PPP4R4: variants seen among roughly 807,000 people sequenced by gnomAD.
PPP4R4 encodes the protein serine/threonine-protein phosphatase 4 regulatory subunit 4.
A neutral mutation model predicts 121.8 loss-of-function variants in PPP4R4; 70 were observed. The observed-to-expected ratio is 0.57, with a 90% CI of 0.47 to 0.70. The LOEUF (loss-of-function observed/expected upper bound fraction) is 0.70, where lower values mean the gene tolerates loss of function less well. Ranked by LOEUF, PPP4R4 falls within the 30% of genes least tolerant of loss-of-function variation. The pLI, the probability that PPP4R4 is intolerant of heterozygous loss-of-function variation, is 0.00. For missense variants in PPP4R4, 875 were observed against 1,033.6 expected, an observed-to-expected ratio of 0.85 and a Z score of 2.10; for synonymous variants, 348 against 355.7, an observed-to-expected ratio of 0.98 and a Z score of 0.24.
intron 2 of PPP4R4, among the ~76,000 whole-genome samples, chr14:94,177,852 G>A (rs1449821058): frequency 6.6e-6 from 1 of 152,184 alleles, no homozygotes; most frequent in Non-Finnish European, 1.5e-5. Flanking sequence ...AGACAGATGG[G>A]CCCTCTCATT....
rs188091618 is a variant in PPP4R4, at chr14:94,231,389, A to C, written c.516+74A>C. ...TTTTTTTTAAAAGGTTTCTTGTCAAAAATGGTTTTTAAAAAAGAAAGTTGT... is the reference window on the plus strand; with the variant it reads ...TTTTTTTTAAAAGGTTTCTTGTCAACAATGGTTTTTAAAAAAGAAAGTTGT... On this transcript the variant is annotated intron_variant, in intron 5 of 24. Transcript: ENST00000304338. The C allele has an allele frequency of 1.7e-3, 2,194 of 1,318,992 alleles. 29 individuals are homozygous for C. The African/African-American group carries it at 0.028, about 17-fold the overall frequency. The allele number at this position is 1,318,992 out of a possible 1,614,324, so 81.7% of individuals were successfully genotyped here.
At chr14:94,208,829 A>G (rs1026284626) in intron 3 of PPP4R4, among the ~76,000 whole-genome samples, 1 of 151,646 alleles carries the variant, frequency 6.6e-6, no homozygotes, top group African/African-American at 2.4e-5. Flanking sequence ...AGTTTTTAGT[A>G]GCTCAAAAAC....
At chr14:94,185,753 C>G (rs1320393325) in intron 2 of PPP4R4, among the ~76,000 whole-genome samples, 1 of 152,196 alleles carries the variant, frequency 6.6e-6, no homozygotes, top group Non-Finnish European at 1.5e-5. Flanking sequence ...AGTTTCCTCT[C>G]TAGATCAGTT....
chr14:94,209,068 A>G (rs1473750161), intron 3 of PPP4R4, among the ~76,000 whole-genome samples: 4 of 151,950 alleles, frequency 2.6e-5, no homozygotes, highest in African/African-American at 2.4e-5. Context: ...TTTTTCTGCT[A>G]TGAACAAAAA....
At position 94,244,616 on chromosome 14, in the gene PPP4R4, C is replaced by T. The variant is rs1333469454; in HGVS notation, c.1267-19C>T. On this transcript the variant is annotated intron_variant, in intron 11 of 24. Transcript: ENST00000304338. ...GTCTAGTACTCTCAAATCTGAGAGACTTTATTGCTATATTTTAGGTATCTA... is the reference window on the plus strand; with the variant it reads ...GTCTAGTACTCTCAAATCTGAGAGATTTTATTGCTATATTTTAGGTATCTA... 1 of 1,463,220 alleles carries T rather than the reference C, an allele frequency of 6.8e-7. No homozygotes were observed. Among genetic ancestry groups the T allele is most frequent in the Non-Finnish European group, 9.2e-7 (1 of 1,083,552 alleles). 90.6% of individuals were successfully genotyped at this position (1,463,220 alleles called of 1,614,324 possible). A position where few individuals can be genotyped will look rare whatever the true frequency, so the allele number is the denominator to read the frequency against.
At chr14:94,267,096 C>A in intron 23 of PPP4R4, 67 bp downstream of exon 23, 1 of 1,104,948 alleles carries the variant, frequency 9.1e-7, no homozygotes, top group Non-Finnish European at 1.3e-6. Flanking sequence ...CCTTAAATGA[C>A]CTATTTCTTT....
intron 14 of PPP4R4, among the ~76,000 whole-genome samples, chr14:94,247,562 C>A (rs371661670): frequency 3.9e-5 from 6 of 152,156 alleles, no homozygotes; most frequent in Non-Finnish European, 7.4e-5. Flanking sequence ...TTAACTCATT[C>A]TACAAAGCCA....
intron 11 of PPP4R4, among the ~76,000 whole-genome samples, chr14:94,243,748 C>T (rs768377444): frequency 3.3e-5 from 5 of 151,352 alleles, no homozygotes; most frequent in Non-Finnish European, 5.9e-5. Flanking sequence ...TGATGTGCCT[C>T]TCCATAAAAT....
chr14:94,205,608 T>C (rs1450665301), intron 2 of PPP4R4, among the ~76,000 whole-genome samples: 1 of 151,702 alleles, frequency 6.6e-6, no homozygotes, highest in African/African-American at 2.4e-5. Context: ...GATTATTGAT[T>C]TGAGATGTTC....
chr14:94,240,938 A>T, intron 9 of PPP4R4, 143 bp downstream of exon 9: 1 of 1,114,510 alleles, frequency 9.0e-7, no homozygotes, highest in Non-Finnish European at 1.2e-6. Context: ...TAGAATTTTG[A>T]TAGCATCATT....
chr14:94,253,525 T>C (rs1014826766), intron 16 of PPP4R4, among the ~76,000 whole-genome samples: 2 of 152,240 alleles, frequency 1.3e-5, no homozygotes, highest in Non-Finnish European at 2.9e-5. Flanking sequence ...GGGTCCATCT[T>C]TATGAACATT....
chr14:94,180,841 A>AT (rs908821494), intron 2 of PPP4R4, among the ~76,000 whole-genome samples: 6 of 151,476 alleles, frequency 4.0e-5, no homozygotes, highest in African/African-American at 1.5e-4. Flanking sequence ...TTCTCTTCCT[A>AT]TTTTTTAAAG....
intron 11 of PPP4R4, 52 bp from the exon 12 acceptor site, chr14:94,244,583 C>G: frequency 7.5e-7 from 1 of 1,327,936 alleles, no homozygotes; most frequent in African/African-American, 1.5e-5. Context: ...TTATTGTAAC[C>G]TGTATCTGTC....
chr14:94,198,316 AT>A (rs1260901615), intron 2 of PPP4R4, among the ~76,000 whole-genome samples: 1 of 151,944 alleles, frequency 6.6e-6, no homozygotes, highest in African/African-American at 2.4e-5. Flanking sequence ...AGATGTATTT[AT>A]TTGCCATTTT....
At chr14:94,258,101 C>T (rs932849262) in intron 17 of PPP4R4, among the ~76,000 whole-genome samples, 1 of 152,060 alleles carries the variant, frequency 6.6e-6, no homozygotes, top group Non-Finnish European at 1.5e-5. Context: ...ATGAATTTTT[C>T]ATAAATTTCA....
rs553473000 is a variant in PPP4R4 at position 94,207,832 on chromosome 14, A to T, written c.192-632A>T. Reference sequence around the variant, plus strand: ...TGGGAAGAATCTGAACATTTTTTTCAAGGTATTTAGGCCACTAGAGTATTG... The same window carrying T: ...TGGGAAGAATCTGAACATTTTTTTCTAGGTATTTAGGCCACTAGAGTATTG... On this transcript the variant is annotated intron_variant, in intron 2 of 24. Coordinates refer to ENST00000304338, the MANE Select transcript of PPP4R4 (RefSeq NM_058237.2). 8.9e-4 allele frequency among the ~76,000 whole-genome samples: 135 copies of T among 151,784 alleles called. No homozygotes were observed. In the Middle Eastern group the frequency reaches 0.014, roughly 15 times the overall value.
At chr14:94,199,682 T>G (rs1008777545) in intron 2 of PPP4R4, among the ~76,000 whole-genome samples, 24 of 152,026 alleles carry the variant, frequency 1.6e-4, no homozygotes, top group African/African-American at 5.8e-4. Context: ...TCCCCTGGAG[T>G]CGGGCTGCTT....
At chr14:94,184,607 G>C (rs1185437599) in intron 2 of PPP4R4, among the ~76,000 whole-genome samples, 4 of 152,072 alleles carry the variant, frequency 2.6e-5, no homozygotes, top group Non-Finnish European at 5.9e-5. Flanking sequence ...CACTGAATAA[G>C]GTCCAATGAA....
intron 3 of PPP4R4, among the ~76,000 whole-genome samples, chr14:94,209,786 T>C (rs1262093773): frequency 1.3e-5 from 2 of 152,112 alleles, no homozygotes; most frequent in Non-Finnish European, 2.9e-5. Context: ...ACAGAGTTAA[T>C]GTAAGTAAGC....
Sources: allele counts gnomAD v4.1 joint callset (sites outside exome capture counted in the v4.1 genomes callset), GRCh38; gene constraint gnomAD v4.1.1; transcripts MANE v1.5; gene names NCBI Gene and HGNC (gene_info 2026-07-23, HGNC 2026-07-21).